The following ZNF804B variants were observed in gnomAD, a reference collection of about 807,000 sequenced individuals.
The protein encoded by ZNF804B is zinc finger 804B.
Under a neutral mutation model 101.4 loss-of-function variants are expected in ZNF804B, and 80 were observed. That is an observed-to-expected ratio of 0.79 (90% CI 0.66 to 0.95). ZNF804B has a LOEUF of 0.95. ZNF804B is among the 40% of genes least tolerant of loss of function. The pLI, the probability that ZNF804B is intolerant of heterozygous loss-of-function variation, is 0.00. For synonymous variants in ZNF804B, 622 were observed against 558.8 expected (o/e 1.11, Z -1.59); for missense variants, 1,673 against 1,561.9 (o/e 1.07, Z -1.20).
At chr7:88,938,619 T>A (rs568761050) in intron 1 of ZNF804B, among the ~76,000 whole-genome samples, 1 of 152,058 alleles carries the variant, frequency 6.6e-6, no homozygotes, top group East Asian at 1.9e-4. Flanking sequence ...TTGGGCAAGA[T>A]TAAAAAATCA....
At chr7:89,011,103 C>T (rs1398061701) in intron 1 of ZNF804B, among the ~76,000 whole-genome samples, 1 of 152,074 alleles carries the variant, frequency 6.6e-6, no homozygotes, top group African/African-American at 2.4e-5. Flanking sequence ...GCAGAAGGCA[C>T]CTCTTCACAT....
chr7:88,810,136 G>A (rs1790761717), intron 1 of ZNF804B, among the ~76,000 whole-genome samples: 1 of 152,036 alleles, frequency 6.6e-6, no homozygotes, highest in East Asian at 1.9e-4. Flanking sequence ...GATGTGTTTA[G>A]TTTGAAATAT....
At chr7:88,951,305 C>A (rs1271636154) in intron 1 of ZNF804B, among the ~76,000 whole-genome samples, 2 of 151,868 alleles carry the variant, frequency 1.3e-5, no homozygotes, top group African/African-American at 4.8e-5. Flanking sequence ...TATGCACTTG[C>A]AGACATTGCT....
intron 1 of ZNF804B, among the ~76,000 whole-genome samples, chr7:89,153,584 A>G (rs1213007509): frequency 6.6e-6 from 1 of 152,062 alleles, no homozygotes; most frequent in East Asian, 1.9e-4. Context: ...TTTCACTACT[A>G]GCAATAATAG....
intron 1 of ZNF804B, among the ~76,000 whole-genome samples, chr7:88,880,174 A>G (rs1000492471): frequency 2.6e-5 from 4 of 152,324 alleles, no homozygotes; most frequent in South Asian, 2.1e-4. Flanking sequence ...TTCAGAAAAT[A>G]TGGTGTTTTG....
intron 1 of ZNF804B, among the ~76,000 whole-genome samples, chr7:88,790,395 A>C (rs1197006087): frequency 1.3e-5 from 2 of 151,994 alleles, no homozygotes. Context: ...CCCCACGTGC[A>C]TTAGCTATTT....
intron 1 of ZNF804B, among the ~76,000 whole-genome samples, chr7:89,008,418 T>C (rs1467546753): frequency 6.6e-6 from 1 of 152,204 alleles, no homozygotes; most frequent in East Asian, 1.9e-4. Flanking sequence ...TCTCCACAGA[T>C]ACTACATCTG....
chr7:88,859,388 C>G (rs760054540), intron 1 of ZNF804B, among the ~76,000 whole-genome samples: 19 of 151,916 alleles, frequency 1.3e-4, no homozygotes, highest in African/African-American at 4.3e-4. Context: ...AATAAAAGGG[C>G]ACAAGCTTTT....
intron 1 of ZNF804B, among the ~76,000 whole-genome samples, chr7:89,193,273 GT>G (rs35218765): frequency 0.015 from 2,218 of 145,832 alleles, 50 homozygotes; most frequent in African/African-American, 0.052. Flanking sequence ...CAAAAGCTTC[GT>G]TTTTTTTTTT....
At chr7:89,129,490 A>G (rs1790515400) in intron 1 of ZNF804B, among the ~76,000 whole-genome samples, 1 of 152,032 alleles carries the variant, frequency 6.6e-6, no homozygotes, top group Non-Finnish European at 1.5e-5. Flanking sequence ...ATAACAGGAT[A>G]TTAAAATGGG....
At chr7:89,131,770 C>T (rs1298043340) in intron 1 of ZNF804B, among the ~76,000 whole-genome samples, 1 of 151,882 alleles carries the variant, frequency 6.6e-6, no homozygotes, top group Non-Finnish European at 1.5e-5. Context: ...CATTAGAAAA[C>T]TTGTTTTTAC....
intron 1 of ZNF804B, among the ~76,000 whole-genome samples, chr7:88,916,727 T>C (rs935920103): frequency 2.6e-5 from 4 of 152,180 alleles, no homozygotes; most frequent in African/African-American, 9.6e-5. Context: ...ATAGTAACAC[T>C]TTAGGATGTT....
intron 1 of ZNF804B, among the ~76,000 whole-genome samples, chr7:88,953,133 C>T (rs753147540): frequency 1.3e-5 from 2 of 151,734 alleles, no homozygotes; most frequent in African/African-American, 4.8e-5. Flanking sequence ...TTGTTCTTCT[C>T]TTGAAACTTA....
chr7:89,183,627 G>C (rs548268762), intron 1 of ZNF804B, among the ~76,000 whole-genome samples: 1 of 152,142 alleles, frequency 6.6e-6, no homozygotes, highest in Non-Finnish European at 1.5e-5. Context: ...TTCAGGTAGA[G>C]CAAATCTTAG....
At chr7:89,285,955 A>G (rs1790190568) in intron 2 of ZNF804B, among the ~76,000 whole-genome samples, 1 of 152,160 alleles carries the variant, frequency 6.6e-6, no homozygotes, top group Admixed American at 6.6e-5. Flanking sequence ...TATGGGCACA[A>G]TGAGGATGAA....
intron 1 of ZNF804B, among the ~76,000 whole-genome samples, chr7:88,860,598 A>G (rs1226124447): frequency 6.6e-6 from 1 of 152,076 alleles, no homozygotes; most frequent in Non-Finnish European, 1.5e-5. Flanking sequence ...GTATTATGAG[A>G]ATCTGAGTTT....
At chr7:89,140,332 T>C (rs1011699999) in intron 1 of ZNF804B, among the ~76,000 whole-genome samples, 36 of 152,058 alleles carry the variant, frequency 2.4e-4, no homozygotes, top group African/African-American at 8.2e-4. Context: ...GGCTTCAACT[T>C]ATAGGTGCTT....
intron 1 of ZNF804B, among the ~76,000 whole-genome samples, chr7:89,022,413 G>A (rs1788681060): frequency 6.6e-6 from 1 of 152,084 alleles, no homozygotes; most frequent in Non-Finnish European, 1.5e-5. Context: ...CCTTGATGAA[G>A]GTGGAGATGA....
chr7:89,190,200 T>C (rs1233346893), intron 1 of ZNF804B, among the ~76,000 whole-genome samples: 1 of 151,912 alleles, frequency 6.6e-6, no homozygotes, highest in Admixed American at 6.6e-5. Context: ...CCGGGCATAG[T>C]GGCGCACACC....
Sources: gnomAD v4.1 joint callset for allele counts (sites outside exome capture counted in the v4.1 genomes callset) on GRCh38, gnomAD v4.1.1 for gene constraint, MANE v1.5 for transcripts, NCBI Gene and HGNC (gene_info 2026-07-23, HGNC 2026-07-21) for gene names.